PTPRD: variants seen among roughly 807,000 people sequenced by gnomAD.
PTPRD encodes receptor-type tyrosine-protein phosphatase delta.
A neutral mutation model predicts 214.5 loss-of-function variants in PTPRD; 34 were observed. That is an observed-to-expected ratio of 0.16 (90% CI 0.12 to 0.21). PTPRD has a LOEUF of 0.21. Ranked by LOEUF, PTPRD falls within the 10% of genes least tolerant of loss-of-function variation. The pLI is 1.00. For missense variants in PTPRD, 2,545 were observed against 2,398.7 expected (o/e 1.06, Z -1.27); for synonymous variants, 1,128 against 845.7 (o/e 1.33, Z -5.79).
intron 9 of PTPRD, among the ~76,000 whole-genome samples, chr9:9,188,808 T>TTGTGTGTG (rs5896310): frequency 9.4e-5 from 14 of 148,400 alleles, no homozygotes; most frequent in African/African-American, 3.5e-4. Context: ...GCAAAATAAA[T>TTGTGTGTG]TGTGTGTGTG....
chr9:10,200,349 G>A (rs1325125819), intron 3 of PTPRD, among the ~76,000 whole-genome samples: 2 of 152,054 alleles, frequency 1.3e-5, no homozygotes, highest in African/African-American at 4.8e-5. Flanking sequence ...TTGGTAATAT[G>A]TGCAGACTTT....
intron 11 of PTPRD, among the ~76,000 whole-genome samples, chr9:8,928,430 G>C (rs1324014927): frequency 3.9e-5 from 6 of 152,140 alleles, no homozygotes; most frequent in Non-Finnish European, 4.4e-5. Context: ...TGGCTAGCCA[G>C]TTTTCCCAAC....
At chr9:9,849,846 G>T (rs1011975256) in intron 5 of PTPRD, among the ~76,000 whole-genome samples, 1 of 152,086 alleles carries the variant, frequency 6.6e-6, no homozygotes, top group Non-Finnish European at 1.5e-5. Flanking sequence ...GGAAAACATT[G>T]AAACTGTAGT....
At chr9:10,245,407 A>G (rs2091913957) in intron 3 of PTPRD, among the ~76,000 whole-genome samples, 1 of 152,214 alleles carries the variant, frequency 6.6e-6, no homozygotes, top group South Asian at 2.1e-4. Context: ...TTTCCAAAAT[A>G]AAATTATACT....
intron 39 of PTPRD, among the ~76,000 whole-genome samples, chr9:8,347,193 G>A (rs896208909): frequency 6.6e-6 from 1 of 151,996 alleles, no homozygotes; most frequent in Non-Finnish European, 1.5e-5. Flanking sequence ...AAAGAAATCA[G>A]GAAATACTAC....
At chr9:10,002,562 T>G (rs1298803094) in intron 4 of PTPRD, among the ~76,000 whole-genome samples, 1 of 150,952 alleles carries the variant, frequency 6.6e-6, no homozygotes, top group Non-Finnish European at 1.5e-5. Context: ...CAAAATAGAC[T>G]TAAACCTACA....
At chr9:9,787,024 C>T (rs1014953549) in intron 5 of PTPRD, among the ~76,000 whole-genome samples, 21 of 151,918 alleles carry the variant, frequency 1.4e-4, no homozygotes, top group African/African-American at 4.8e-4. Flanking sequence ...GAAGTCCCAA[C>T]TACTTGGAAG....
chr9:9,877,945 C>T (rs976529877), intron 5 of PTPRD, among the ~76,000 whole-genome samples: 3 of 143,754 alleles, frequency 2.1e-5, no homozygotes, highest in African/African-American at 5.4e-5. Context: ...TGCACTCCAA[C>T]CTGGGCAACA....
intron 3 of PTPRD, among the ~76,000 whole-genome samples, chr9:10,187,421 T>C (rs2099341338): frequency 6.6e-6 from 1 of 152,186 alleles, no homozygotes; most frequent in Non-Finnish European, 1.5e-5. Flanking sequence ...ATTTAGGCAT[T>C]TGCACAAAGA....
chr9:9,059,660 ATAT>A (rs1176238646), intron 10 of PTPRD, among the ~76,000 whole-genome samples: 3 of 152,076 alleles, frequency 2.0e-5, no homozygotes, highest in Non-Finnish European at 4.4e-5. Context: ...AGATAGAAAC[ATAT>A]TATTAAATAA....
rs1017769840 is a variant in PTPRD at position 9,329,273 on chromosome 9, C to CA, written c.-203+68175dup. Among the ~76,000 whole-genome samples the CA allele has an allele frequency of 2.6e-5, 4 of 151,018 alleles. No individual in the cohort carries two copies. In the South Asian group the frequency reaches 6.2e-4, roughly 24 times the overall value. ...CAAAACAAAACAAAAAACAAAAACA[C>CA]AAAAAAACCAAAGTCTTTATTTGCA... On this transcript the variant is annotated intron_variant, in intron 9 of 45. Transcript: ENST00000381196.
intron 8 of PTPRD, among the ~76,000 whole-genome samples, chr9:9,511,555 T>C (rs1050420660): frequency 1.3e-5 from 2 of 151,922 alleles, no homozygotes; most frequent in South Asian, 2.1e-4. Flanking sequence ...GAAGGATTTT[T>C]ATGAAAATTT....
chr9:8,599,847 C>A (rs1026493088), intron 14 of PTPRD, among the ~76,000 whole-genome samples: 1 of 151,972 alleles, frequency 6.6e-6, no homozygotes, highest in Non-Finnish European at 1.5e-5. Flanking sequence ...AAATTCCCTA[C>A]CTCAGATGAT....
chr9:9,744,221 G>C (rs2761696), intron 6 of PTPRD, among the ~76,000 whole-genome samples: 1 of 151,944 alleles, frequency 6.6e-6, no homozygotes, highest in Non-Finnish European at 1.5e-5. Flanking sequence ...AAGGAGATTC[G>C]TGCAATTATC....
At chr9:9,409,538 A>T (rs1370920391) in intron 8 of PTPRD, among the ~76,000 whole-genome samples, 1 of 152,082 alleles carries the variant, frequency 6.6e-6, no homozygotes, top group Non-Finnish European at 1.5e-5. Context: ...TTCAAAAAAC[A>T]AATTAAAGGA....
chr9:8,654,246 A>G (rs1366466879), intron 12 of PTPRD, among the ~76,000 whole-genome samples: 1 of 152,186 alleles, frequency 6.6e-6, no homozygotes, highest in Admixed American at 6.5e-5. Flanking sequence ...AACATAGTCA[A>G]CTACCCCCTA....
chr9:8,739,261 C>G (rs1251820207), intron 11 of PTPRD, among the ~76,000 whole-genome samples: 1 of 152,174 alleles, frequency 6.6e-6, no homozygotes, highest in East Asian at 1.9e-4. Flanking sequence ...GAAGAGAACC[C>G]AAAAGCAAAC....
chr9:9,054,386 G>T (rs1319700671), intron 10 of PTPRD, among the ~76,000 whole-genome samples: 16 of 152,026 alleles, frequency 1.1e-4, no homozygotes, highest in Non-Finnish European at 1.8e-4. Flanking sequence ...AAAATTTTTT[G>T]GTATTATTCA....
chr9:10,361,009 G>A (rs2097374077), intron 2 of PTPRD, among the ~76,000 whole-genome samples: 1 of 152,112 alleles, frequency 6.6e-6, no homozygotes, highest in Non-Finnish European at 1.5e-5. Flanking sequence ...GGCTGAGGCA[G>A]GAGAATGGCG....
Sources: gnomAD v4.1 joint callset for allele counts (sites outside exome capture counted in the v4.1 genomes callset) on GRCh38, gnomAD v4.1.1 for gene constraint, MANE v1.5 for transcripts, NCBI Gene and HGNC (gene_info 2026-07-23, HGNC 2026-07-21) for gene names.